The following RCAN3 variants were observed in gnomAD, a reference collection of about 807,000 sequenced individuals.
RCAN3 encodes calcipressin-3.
Under a neutral mutation model 21.9 loss-of-function variants are expected in RCAN3, and 19 were observed. The observed-to-expected ratio is 0.87, with a 90% CI of 0.61 to 1.27. The LOEUF is 1.27. Among genes scored for constraint, RCAN3 ranks in the 50% most tolerant of loss-of-function variants. RCAN3 has a pLI of 0.00. For missense variants in RCAN3, 240 were observed against 300.1 expected (o/e 0.80, Z 1.48); for synonymous variants, 114 against 112.3 (o/e 1.01, Z -0.09).
Position 24,521,010 on chromosome 1 carries a change from G to C in RCAN3, c.195+6443G>C, listed in dbSNP as rs569599866. ...AATCCCAAATTGCCAAAACAGTCTTGAAAACAAAGAACAAAGTTGGATGCA... is the reference window on the plus strand; with the variant it reads ...AATCCCAAATTGCCAAAACAGTCTTCAAAACAAAGAACAAAGTTGGATGCA... On this transcript the variant is annotated intron_variant, in intron 2 of 4. Transcript: ENST00000374395. 5.3e-5 allele frequency among the ~76,000 whole-genome samples: 8 copies of C among 152,070 alleles called. No individual in the cohort carries two copies. The South Asian group carries it at 1.0e-3, about 20-fold the overall frequency.
intron 2 of RCAN3, among the ~76,000 whole-genome samples, chr1:24,523,558 TACAC>T (rs202072126): frequency 8.1e-5 from 12 of 147,400 alleles, no homozygotes; most frequent in African/African-American, 3.0e-4. Context: ...CAAATATGTA[TACAC>T]ACACATATAT....
intron 1 of RCAN3, among the ~76,000 whole-genome samples, chr1:24,513,161 C>T (rs939823952): frequency 3.3e-5 from 5 of 152,048 alleles, no homozygotes; most frequent in African/African-American, 7.2e-5. Context: ...GGTGTGAACC[C>T]GGGAGGCGGA....
Position 24,535,398 on chromosome 1 carries a change from C to A in RCAN3, c.*121C>A. The A allele has an allele frequency of 9.3e-7, 1 of 1,078,764 alleles. No homozygotes were observed. The highest frequency in any genetic ancestry group is 1.3e-6 in the Non-Finnish European group (1 of 790,706). 66.8% of individuals were successfully genotyped at this position (1,078,764 alleles called of 1,614,324 possible). ...AGACTCTGCCGAGTGAGGTATAGGT[C>A]TTCTCACCACGCCTGTACTGCAGAC... On this transcript the variant is annotated 3_prime_UTR_variant, in exon 5 of 5. Coordinates refer to ENST00000374395, the MANE Select transcript of RCAN3 (RefSeq NM_013441.4).
At chr1:24,529,344 G>A (rs1031652359) in intron 2 of RCAN3, among the ~76,000 whole-genome samples, 1 of 151,654 alleles carries the variant, frequency 6.6e-6, no homozygotes, top group Non-Finnish European at 1.5e-5. Context: ...CCTGAGCTCA[G>A]GAGTTTGAGA....
rs1334264679 is a variant in RCAN3, at chr1:24,531,357, T to A, written c.335T>A (p.Phe112Tyr). The A allele has an allele frequency of 8.7e-6, 14 of 1,613,394 alleles. No homozygotes were observed. The highest frequency in any genetic ancestry group is 1.1e-5 in the Non-Finnish European group (13 of 1,179,726). The change falls in exon 3 of 5, where the codon TTC becomes TAC. Residue 112 changes from phenylalanine to tyrosine, a missense_variant. Coordinates refer to ENST00000374395, the MANE Select transcript of RCAN3 (RefSeq NM_013441.4). Reference sequence around the variant, plus strand: ...CGAATAGAACTCCACGAAACAGACTTCAATGGGCAGAAGCTAAAGCTATAT... The same window carrying A: ...CGAATAGAACTCCACGAAACAGACTACAATGGGCAGAAGCTAAAGCTATAT... The part of the protein sequence containing the change: ...RARIELHETD[F>Y]NGQKLKLYFA...
chr1:24,524,795 G>A (rs934008510), intron 2 of RCAN3, among the ~76,000 whole-genome samples: 3 of 149,000 alleles, frequency 2.0e-5, no homozygotes, highest in Non-Finnish European at 4.5e-5. Flanking sequence ...GAGTAAAATC[G>A]TTCCTCCTAC....
chr1:24,529,513 T>A (rs1363782337), intron 2 of RCAN3, among the ~76,000 whole-genome samples: 1 of 148,190 alleles, frequency 6.7e-6, no homozygotes, highest in Admixed American at 6.7e-5. Context: ...ATCACACCAC[T>A]GCACTCCAGC....
In RCAN3 at chr1:24,538,250, C is replaced by T. The variant is rs1650333552; in HGVS notation, c.*2973C>T. 1 of 152,142 alleles carries T rather than the reference C, an allele frequency of 6.6e-6. No individual in the cohort carries two copies. Among genetic ancestry groups the T allele is most frequent in the Non-Finnish European group, 1.5e-5 (1 of 68,038 alleles). 9.4% of individuals were successfully genotyped at this position (152,142 alleles called of 1,614,324 possible). On this transcript the variant is annotated 3_prime_UTR_variant, in exon 5 of 5. Transcript: ENST00000374395. ...TCCATTGCCTTCGAGAACTAAAACT[C>T]AGCTGGAAAGCAAATTAGTCTTTTC...
intron 1 of RCAN3, among the ~76,000 whole-genome samples, chr1:24,507,030 T>C (rs6692725): frequency 8.9e-4 from 136 of 152,234 alleles, no homozygotes; most frequent in African/African-American, 3.2e-3. Flanking sequence ...AGCCCACCTT[T>C]AGAGATACTA....
chr1:24,513,581 C>T (rs1012784254), intron 1 of RCAN3, among the ~76,000 whole-genome samples: 3 of 151,914 alleles, frequency 2.0e-5, no homozygotes, highest in South Asian at 2.1e-4. Context: ...CGCTTGAACC[C>T]GGGAGGCGGA....
intron 1 of RCAN3, 37 bp from the exon 2 acceptor site, chr1:24,514,277 C>T (rs1648115718): frequency 3.6e-6 from 4 of 1,104,548 alleles, no homozygotes; most frequent in Admixed American, 2.8e-5. Context: ...ATTTGGTCTT[C>T]GGAGTTTTAC....
At chr1:24,520,140 G>A (rs1342419813) in intron 2 of RCAN3, among the ~76,000 whole-genome samples, 1 of 152,158 alleles carries the variant, frequency 6.6e-6, no homozygotes, top group Non-Finnish European at 1.5e-5. Context: ...AATTAAAAAA[G>A]AGGATTCAAA....
At chr1:24,520,695 G>C (rs1316790495) in intron 2 of RCAN3, among the ~76,000 whole-genome samples, 2 of 132,606 alleles carry the variant, frequency 1.5e-5, no homozygotes, top group Non-Finnish European at 3.2e-5. Context: ...GGTGGGGGGA[G>C]GGGGAAGAGA....
chr1:24,528,571 T>C (rs1382674328), intron 2 of RCAN3, among the ~76,000 whole-genome samples: 1 of 152,084 alleles, frequency 6.6e-6, no homozygotes. Context: ...CCAGACAAAA[T>C]AGACTTTAAG....
In RCAN3 at chr1:24,514,186, T is replaced by G. The variant is rs1325150606; in HGVS notation, c.-59-128T>G. On this transcript the variant is annotated intron_variant, in intron 1 of 4. Transcript: ENST00000374395. Reference sequence around the variant, plus strand: ...CTTACGAGGACTGTAATGCATTGATTTAAATATTGATTCATCGTTCTAAAT... The same window carrying G: ...CTTACGAGGACTGTAATGCATTGATGTAAATATTGATTCATCGTTCTAAAT... The G allele has an allele frequency of 6.4e-6, 3 of 469,326 alleles. No homozygotes were observed. The East Asian group carries it at 9.8e-5, about 15-fold the overall frequency. The allele number at this position is 469,326 out of a possible 1,614,324, so 29.1% of individuals were successfully genotyped here. A position where few individuals can be genotyped will look rare whatever the true frequency, so the allele number is the denominator to read the frequency against.
chr1:24,532,948 C>CAAAAA lies in RCAN3; in HGVS notation c.370-112_370-108dup, dbSNP rs756973308. On this transcript the variant is annotated intron_variant, in intron 3 of 4. Coordinates refer to ENST00000374395, the MANE Select transcript of RCAN3 (RefSeq NM_013441.4). Reference sequence around the variant, plus strand: ...TGGGCGACAAAGTGAGACTCCGTCTCAAAAAAAAAAAAAAAAAAAAAAAAA... The same window carrying CAAAAA: ...TGGGCGACAAAGTGAGACTCCGTCTCAAAAAAAAAAAAAAAAAAAAAAAAAAAAAA... 91 of 93,218 alleles carry CAAAAA rather than the reference C, an allele frequency of 9.8e-4. 6 individuals carry two copies. In the African/African-American group the frequency reaches 0.01, roughly 10 times the overall value. The allele number at this position is 93,218 out of a possible 1,614,324, so 5.8% of individuals were successfully genotyped here.
chr1:24,514,412 T>G lies in RCAN3; in HGVS notation c.40T>G (p.Ser14Ala), dbSNP rs1336553125. The change falls in exon 2 of 5, where the codon TCA becomes GCA. Residue 14 changes from serine (S) to alanine (A), a missense_variant. Physicochemically the swap from Ser to Ala is moderately conservative, Grantham distance 99. Transcript: ENST00000374395. ...TATGAAATCTTGGAATGATAGCCAG[T>G]CAGATCTGTGTAGCACTGACCAAGA... The part of the protein sequence containing the change: ...DTMKSWNDSQ[S>A]DLCSTDQEEE... The G allele has an allele frequency of 1.2e-6, 2 of 1,613,864 alleles. No individual in the cohort carries two copies. The highest frequency in any genetic ancestry group is 1.7e-6 in the Non-Finnish European group (2 of 1,179,956).
chr1:24,540,853 A>G lies in RCAN3; in HGVS notation c.*5576A>G, dbSNP rs1007967160. The stretch of plus-strand genomic sequence containing the variant: ...CACATTTTAGTGTGCTTGAAGTGAC[A>G]ATCCATAGTTTGTAGTAGTTTGTTA... On this transcript the variant is annotated 3_prime_UTR_variant, in exon 5 of 5. Coordinates refer to ENST00000374395, the MANE Select transcript of RCAN3 (RefSeq NM_013441.4). 1 of 152,198 alleles carries G rather than the reference A, an allele frequency of 6.6e-6. No individual in the cohort carries two copies. Among genetic ancestry groups the G allele is most frequent in the Non-Finnish European group, 1.5e-5 (1 of 68,038 alleles). The allele number at this position is 152,198 out of a possible 1,614,324, so 9.4% of individuals were successfully genotyped here.
rs1647209322 is a variant in RCAN3, at chr1:24,503,093, C to T, written c.-117C>T. ...GCCCGTCCGCTGCCCTCCCGGCTCC[C>T]GTCCTGCGGCGGCGGGGCGTGCAGG... On this transcript the variant is annotated 5_prime_UTR_variant, in exon 1 of 5. Transcript: ENST00000374395. The T allele has an allele frequency of 6.8e-6, 1 of 147,798 alleles. No individual in the cohort carries two copies. Among genetic ancestry groups the T allele is most frequent in the Non-Finnish European group, 1.5e-5 (1 of 66,384 alleles). 9.2% of individuals were successfully genotyped at this position (147,798 alleles called of 1,614,324 possible). A position where few individuals can be genotyped will look rare whatever the true frequency, so the allele number is the denominator to read the frequency against.
Sources: allele counts gnomAD v4.1 joint callset (sites outside exome capture counted in the v4.1 genomes callset), GRCh38; gene constraint gnomAD v4.1.1; transcripts MANE v1.5; gene names NCBI Gene and HGNC (gene_info 2026-07-23, HGNC 2026-07-21).